Variants in TAF8 observed in about 807,000 individuals in gnomAD.
TAF8 encodes TATA-box binding protein associated factor 8, also known as transcription initiation factor TFIID subunit 8.
Under a neutral mutation model 36.5 loss-of-function variants are expected in TAF8, and 47 were observed. That is an observed-to-expected ratio of 1.29 (90% confidence interval 1.02 to 1.64). The LOEUF (loss-of-function observed/expected upper bound fraction) is 1.64. TAF8 is among the 40% of genes most tolerant of loss of function. TAF8 has a pLI of 0.00. For synonymous variants in TAF8, 175 were observed against 159.5 expected (o/e 1.10, Z -0.73); for missense variants, 420 against 407.6 (o/e 1.03, Z -0.26).
intron 5 of TAF8, among the ~76,000 whole-genome samples, chr6:42,059,390 A>C (rs12198899): frequency 0.085 from 12,889 of 151,810 alleles, 721 homozygotes; most frequent in East Asian, 0.25. Flanking sequence ...CTCAAGAAAA[A>C]AAAAAAAAAA....
downstream of TAF8, among the ~76,000 whole-genome samples, chr6:42,084,130 G>A (rs909082982): frequency 6.9e-5 from 10 of 145,718 alleles, no homozygotes; most frequent in African/African-American, 2.3e-4. Context: ...GCACTGAGCC[G>A]AGATTGTGCC....
At position 42,076,962 on chromosome 6, in the gene TAF8, A is replaced by G. The variant is rs528612846; in HGVS notation, c.781-138A>G. The G allele has an allele frequency of 2.7e-6, 3 of 1,101,286 alleles. No homozygotes were observed. The African/African-American group carries it at 4.7e-5, about 17-fold the overall frequency. 68.2% of individuals were successfully genotyped at this position (1,101,286 alleles called of 1,614,324 possible). On this transcript the variant is annotated intron_variant, in intron 7 of 8. Transcript: ENST00000372977. Reference sequence around the variant, plus strand: ...CCTGGTCCTCGCTTCATCGGGGCAGAGATAGGAATGTTGGAAAGAAGGTGC... The same window carrying G: ...CCTGGTCCTCGCTTCATCGGGGCAGGGATAGGAATGTTGGAAAGAAGGTGC...
chr6:42,055,904 T>C, intron 3 of TAF8, 48 bp from the exon 4 acceptor site: 1 of 1,237,710 alleles, frequency 8.1e-7, no homozygotes, highest in Non-Finnish European at 1.2e-6. Context: ...CTTTCTGTAT[T>C]CAATATCCAG....
chr6:42,057,827 A>G (rs1486826003), intron 5 of TAF8: 3 of 370,098 alleles, frequency 8.1e-6, no homozygotes, highest in Admixed American at 8.5e-5. Context: ...CAATTTGGCA[A>G]ATGAGAATTA....
At chr6:42,056,210 A>T in intron 4 of TAF8, 196 bp downstream of exon 4, 1 of 522,528 alleles carries the variant, frequency 1.9e-6, no homozygotes, top group Non-Finnish European at 3.4e-6. Flanking sequence ...CCAAAAGGTA[A>T]ACCATCTTTG....
intron 1 of TAF8, 103 bp downstream of exon 1, chr6:42,050,689 A>G: frequency 1.5e-6 from 2 of 1,355,510 alleles, no homozygotes; most frequent in Non-Finnish European, 9.9e-7. Flanking sequence ...CAGCCCCATC[A>G]TGAGCTCCGA....
chr6:42,071,700 A>T (rs1372076245), intron 7 of TAF8, among the ~76,000 whole-genome samples: 1 of 152,056 alleles, frequency 6.6e-6, no homozygotes, highest in East Asian at 1.9e-4. Flanking sequence ...GCTTTAAATA[A>T]AGCAGAGGAA....
At chr6:42,050,624 T>C (rs1764733570) in intron 1 of TAF8, 38 bp downstream of exon 1, 5 of 1,530,570 alleles carry the variant, frequency 3.3e-6, no homozygotes, top group Non-Finnish European at 4.4e-6. Context: ...CCGAGAGAGT[T>C]TGGGTATCCT....
intron 5 of TAF8, among the ~76,000 whole-genome samples, chr6:42,062,068 C>A (rs1329702603): frequency 6.6e-6 from 1 of 151,842 alleles, no homozygotes; most frequent in Non-Finnish European, 1.5e-5. Context: ...TTTTTCCCTG[C>A]CATTCACCCA....
In TAF8 at chr6:42,078,318, C is replaced by T. The variant is rs756674644; in HGVS notation, c.*773C>T. 2.5e-5 allele frequency: 25 copies of T among 985,312 alleles called. No homozygotes were observed. Among genetic ancestry groups the T allele is most frequent in the Non-Finnish European group, 3.0e-5 (25 of 829,942 alleles). The allele number at this position is 985,312 out of a possible 1,614,324, so 61.0% of individuals were successfully genotyped here. On this transcript the variant is annotated 3_prime_UTR_variant, in exon 9 of 9. Coordinates refer to ENST00000372977, the MANE Select transcript of TAF8 (RefSeq NM_138572.3). ...GGAAAGTGACAGGAAGGAAAGGGCT[C>T]TTTGCTGCTGTGCTTATTACAAGGA... is the stretch of plus-strand genomic sequence containing the variant.
At chr6:42,064,710 C>G (rs185151039) in intron 5 of TAF8, among the ~76,000 whole-genome samples, 1 of 152,090 alleles carries the variant, frequency 6.6e-6, no homozygotes, top group East Asian at 1.9e-4. Context: ...GTAATCCCAG[C>G]ACTTTGGGAG....
intron 5 of TAF8, among the ~76,000 whole-genome samples, chr6:42,061,734 A>T (rs150087593): frequency 1.3e-5 from 2 of 152,228 alleles, no homozygotes; most frequent in Non-Finnish European, 2.9e-5. Context: ...ATATTTGACA[A>T]TGCCTCCTGT....
chr6:42,057,951 A>G (rs1765065644), intron 5 of TAF8, among the ~76,000 whole-genome samples: 1 of 152,204 alleles, frequency 6.6e-6, no homozygotes, highest in African/African-American at 2.4e-5. Context: ...CAAGACTGAA[A>G]AGGTATTCCA....
chr6:42,086,692 C>T (rs780503869), downstream of TAF8: 69 of 1,550,904 alleles, frequency 4.4e-5, 1 homozygote, highest in South Asian at 2.3e-4. Flanking sequence ...ATGAGCAAAG[C>T]GGTTTTTTTC....
rs111620851 is a variant in TAF8 at position 42,080,131 on chromosome 6, C to A, written c.*2586C>A. On this transcript the variant is annotated 3_prime_UTR_variant, in exon 9 of 9. Coordinates refer to ENST00000372977, the MANE Select transcript of TAF8 (RefSeq NM_138572.3). ...TCAGGGTTTGTGATTCAGTTCTTAG[C>A]GATTCTTGGCCTGATAAGTTTATGA... 2 of 985,240 alleles carry A rather than the reference C, an allele frequency of 2.0e-6. No homozygotes were observed. Among genetic ancestry groups the A allele is most frequent in the African/African-American group, 3.5e-5 (2 of 57,202 alleles). The allele number at this position is 985,240 out of a possible 1,614,324, so 61.0% of individuals were successfully genotyped here.
chr6:42,072,521 C>T (rs1393787747), intron 7 of TAF8, among the ~76,000 whole-genome samples: 1 of 152,054 alleles, frequency 6.6e-6, no homozygotes, highest in Non-Finnish European at 1.5e-5. Context: ...ACAAACTGTT[C>T]TCTTCTTGCT....
chr6:42,053,350 G>A (rs1764865863), intron 2 of TAF8, among the ~76,000 whole-genome samples: 1 of 152,106 alleles, frequency 6.6e-6, no homozygotes, highest in Non-Finnish European at 1.5e-5. Context: ...ATCGCCTGAG[G>A]TCAGGAGTTT....
intron 7 of TAF8, among the ~76,000 whole-genome samples, chr6:42,075,789 T>A (rs1765725223): frequency 6.6e-6 from 1 of 152,276 alleles, no homozygotes; most frequent in African/African-American, 2.4e-5. Flanking sequence ...GAACAGTTTT[T>A]AAAATGTCAG....
At chr6:42,060,306 A>G (rs763545745) in intron 5 of TAF8, among the ~76,000 whole-genome samples, 14 of 152,230 alleles carry the variant, frequency 9.2e-5, no homozygotes, top group Non-Finnish European at 1.6e-4. Context: ...TCCAGTCCCC[A>G]TTTTTATTAA....
Sources: allele counts gnomAD v4.1 joint callset (sites outside exome capture counted in the v4.1 genomes callset), GRCh38; gene constraint gnomAD v4.1.1; transcripts MANE v1.5; gene names NCBI Gene and HGNC (gene_info 2026-07-23, HGNC 2026-07-21).